Variants in RYR1 observed in about 807,000 individuals in gnomAD.
RYR1 encodes the protein central core disease of muscle.
RYR1 carries 342 observed loss-of-function variants against 583.5 expected under a neutral mutation model. The ratio of observed to expected loss-of-function variants is 0.59; its 90% CI spans 0.54 to 0.64. The LOEUF is 0.64. Among genes scored for constraint, RYR1 ranks in the 30% least tolerant of loss-of-function variants. The pLI, the probability that RYR1 is intolerant of heterozygous loss-of-function variation, is 0.00. For synonymous variants in RYR1, 2,791 were observed against 2,822.5 expected, an observed-to-expected ratio of 0.99 and a Z score of 0.35; for missense variants, 6,032 against 6,917.2, an observed-to-expected ratio of 0.87 and a Z score of 4.54.
intron 24 of RYR1, 151 bp from the exon 25 acceptor site, chr19:38,467,459 C>T: frequency 1.2e-6 from 1 of 850,890 alleles, no homozygotes; most frequent in Non-Finnish European, 2.0e-6. Flanking sequence ...TGAGGTTCCC[C>T]AATTCTCCTC....
In RYR1 at chr19:38,486,116, G is replaced by A. The variant is rs139709595; in HGVS notation, c.5461G>A (p.Asp1821Asn). 1.2e-6 allele frequency: 2 copies of A among 1,613,092 alleles called. No individual in the cohort carries two copies. Among genetic ancestry groups the A allele is most frequent in the South Asian group, 1.1e-5 (1 of 91,034 alleles). Residue 1821 changes from aspartate to asparagine, a missense_variant, in exon 34 of 106, where the codon GAC becomes AAC. Asp to Asn is a conservative substitution (Grantham distance 23). Coordinates refer to ENST00000359596, the MANE Select transcript of RYR1 (RefSeq NM_000540.3). ...ALRMLGEAVRDGGQHARDPVG... is the reference protein window; with the variant it reads ...ALRMLGEAVRNGGQHARDPVG... ...GAGGATGCTGGGGGAGGCGGTGCGC[G>A]ACGGTGGGCAGCACGCTCGCGACCC...
At position 38,586,164 on chromosome 19, in the gene RYR1, T is replaced by C. The variant is rs761963097; in HGVS notation, c.14942T>C (p.Leu4981Pro). The C allele has an allele frequency of 7.4e-6, 12 of 1,613,648 alleles. No individual in the cohort carries two copies. The highest frequency in any genetic ancestry group is 1.0e-5 in the Non-Finnish European group (12 of 1,179,978). Reference sequence around the variant, plus strand: ...CCGCATGGCTTCGAGACTCACACGCTGGAGGAGCACAACCTGGCCAATTAC... The same window carrying C: ...CCGCATGGCTTCGAGACTCACACGCCGGAGGAGCACAACCTGGCCAATTAC... ...TTPHGFETHT[L>P]EEHNLANYMF... The change falls in exon 104 of 106, where the codon CTG becomes CCG. Residue 4981 changes from leucine (L) to proline (P), a missense_variant. Transcript: ENST00000359596.
intron 27 of RYR1, among the ~76,000 whole-genome samples, chr19:38,472,835 T>TAAA (rs34985897): frequency 7.5e-5 from 8 of 107,294 alleles, no homozygotes; most frequent in Admixed American, 1.1e-4. Context: ...GACTCTTGTC[T>TAAA]AAAAAAAAAA....
chr19:38,585,398 A>G (rs931584325), intron 102 of RYR1, among the ~76,000 whole-genome samples: 2 of 147,536 alleles, frequency 1.4e-5, no homozygotes, highest in African/African-American at 4.9e-5. Flanking sequence ...GTTTATTTAT[A>G]TATATATGTG....
intron 101 of RYR1, among the ~76,000 whole-genome samples, chr19:38,581,290 G>A (rs1350712635): frequency 1.3e-5 from 2 of 152,126 alleles, no homozygotes; most frequent in African/African-American, 4.8e-5. Flanking sequence ...TGTTAGCCAG[G>A]ATGGTCTCGA....
At position 38,457,643 on chromosome 19, in the gene RYR1, A is replaced by G. The variant is rs763272370; in HGVS notation, c.1925+13A>G. The G allele has an allele frequency of 1.2e-6, 2 of 1,613,748 alleles. No individual in the cohort carries two copies. The highest frequency in any genetic ancestry group is 2.7e-5 in the African/African-American group (2 of 74,896). On this transcript the variant is annotated intron_variant, in intron 17 of 105. Transcript: ENST00000359596. The stretch of plus-strand genomic sequence containing the variant: ...ACTATGTCACCAGGTCTGGCTCTCA[A>G]CATCTGACCCCAGAACTCAGAACCT...
At chr19:38,461,504 G>C (rs1256299515) in intron 20 of RYR1, among the ~76,000 whole-genome samples, 2 of 151,966 alleles carry the variant, frequency 1.3e-5, no homozygotes, top group Admixed American at 1.3e-4. Flanking sequence ...GCCGAGGCAG[G>C]ATTGCTTGAG....
intron 87 of RYR1, among the ~76,000 whole-genome samples, chr19:38,546,012 C>G (rs1972406063): frequency 6.6e-6 from 1 of 152,148 alleles, no homozygotes; most frequent in Non-Finnish European, 1.5e-5. Context: ...CCTCCTGAAC[C>G]CAGAGTCCCA....
chr19:38,444,149 GA>G lies in RYR1; in HGVS notation c.426del (p.Glu143ArgfsTer59). 6.2e-7 allele frequency: 1 copy of G among 1,613,414 alleles called. No homozygotes were observed. Among genetic ancestry groups the G allele is most frequent in the Non-Finnish European group, 8.5e-7 (1 of 1,179,416 alleles). On this transcript the variant is annotated frameshift_variant and splice_region_variant, in exon 6 of 106. Coordinates refer to ENST00000359596, the MANE Select transcript of RYR1 (RefSeq NM_000540.3). LOFTEE classifies it high-confidence loss of function. The surrounding 1 kb of genome is among the most constrained non-coding windows in gnomAD (Gnocchi z 5.1). ...ACCCCCATTCCATCCCCACCCATAG[GA>G]GAGGCTTGCTGGTGGACCATGCACC... ...FDVGLQEDAT[G>X]EACWWTMHPA...
chr19:38,453,142 G>GGGGCAGGAGAAGGAGCC (rs1207345210), intron 13 of RYR1, 128 bp downstream of exon 13: 3 of 993,840 alleles, frequency 3.0e-6, no homozygotes, highest in Non-Finnish European at 4.5e-6. Context: ...AGAAGGGGGC[G>GGGGCAGGAGAAGGAGCC]GGGCAGGAGA....
At position 38,524,002 on chromosome 19, in the gene RYR1, C is replaced by T. The variant is rs73544616; in HGVS notation, c.10455+73C>T. On this transcript the variant is annotated intron_variant, in intron 70 of 105. Transcript: ENST00000359596. ...TCTTCCCCCAGCCTCTGCACGCCCC[C>T]GCCTCGAGAAAACCCCTGCTTCTGT... The T allele has an allele frequency of 0.058, 90,640 of 1,567,770 alleles. 5,213 individuals carry two copies. Among genetic ancestry groups the T allele is most frequent in the African/African-American group, 0.29 (21,083 of 72,638 alleles).
intron 30 of RYR1, among the ~76,000 whole-genome samples, 166 bp downstream of exon 30, chr19:38,478,036 C>G (rs1320822532): frequency 6.6e-6 from 1 of 152,046 alleles, no homozygotes; most frequent in Non-Finnish European, 1.5e-5. Context: ...TTCCCTCCTC[C>G]TCTTTTTCCT....
At chr19:38,557,890 G>A (rs185721740) in intron 89 of RYR1, among the ~76,000 whole-genome samples, 34 of 152,176 alleles carry the variant, frequency 2.2e-4, no homozygotes, top group African/African-American at 7.7e-4. Context: ...TGAGGCAGGA[G>A]AATCGCTTGA....
chr19:38,553,479 T>TA (rs35593643), intron 89 of RYR1, among the ~76,000 whole-genome samples: 34,665 of 145,532 alleles, frequency 0.24, 4,550 homozygotes, highest in African/African-American at 0.37. Context: ...ACCCCATTGC[T>TA]AAAAAAAAAA....
chr19:38,510,158 T>C (rs1426520037), intron 58 of RYR1, among the ~76,000 whole-genome samples: 1 of 152,004 alleles, frequency 6.6e-6, no homozygotes, highest in Non-Finnish European at 1.5e-5. Context: ...TTGGCTGTAC[T>C]AAAAATACAA....
At chr19:38,526,829 C>A in intron 71 of RYR1, 164 bp from the exon 72 acceptor site, 1 of 685,730 alleles carries the variant, frequency 1.5e-6, no homozygotes, top group Non-Finnish European at 2.6e-6. Flanking sequence ...AGGACCCCTT[C>A]TGACCCCGTC....
intron 95 of RYR1, 52 bp downstream of exon 95, chr19:38,572,322 T>C: frequency 5.6e-6 from 1 of 177,820 alleles, no homozygotes; most frequent in Non-Finnish European, 1.0e-5. Flanking sequence ...TGGGTGGGGG[T>C]GGGGGCAGTG....
intron 96 of RYR1, among the ~76,000 whole-genome samples, chr19:38,574,772 A>T (rs1368365327): frequency 6.6e-6 from 1 of 152,100 alleles, no homozygotes; most frequent in East Asian, 1.9e-4. Context: ...ACAGTGGCTC[A>T]CATCTGTAAT....
Position 38,496,359 on chromosome 19 carries a change from CAG to C in RYR1, c.6663+31_6663+32del. 6.2e-7 allele frequency: 1 copy of C among 1,613,722 alleles called. No homozygotes were observed. On this transcript the variant is annotated intron_variant, in intron 40 of 105. Coordinates refer to ENST00000359596, the MANE Select transcript of RYR1 (RefSeq NM_000540.3). The surrounding 1 kb of genome is among the most constrained non-coding windows in gnomAD (Gnocchi z 4.8). ...GGGCCCAGGCAGGTGCTGGGGAGCT[CAG>C]GGGAGGCAGCCACAGAGGGCAGGCC...
Sources: allele counts gnomAD v4.1 joint callset (sites outside exome capture counted in the v4.1 genomes callset), GRCh38; gene constraint gnomAD v4.1.1; non-coding constraint Gnocchi (gnomAD v3.1); transcripts MANE v1.5; gene names NCBI Gene and HGNC (gene_info 2026-07-23, HGNC 2026-07-21).